The following FZD3 variants were observed in gnomAD, a reference collection of about 807,000 sequenced individuals.
FZD3 encodes the protein frizzled class receptor 3.
A neutral mutation model predicts 60.7 loss-of-function variants in FZD3; 30 were observed. That is an observed-to-expected ratio of 0.49 (90% CI 0.37 to 0.67). The LOEUF is 0.67. Ranked by LOEUF, FZD3 falls within the 30% of genes least tolerant of loss-of-function variation. FZD3 has a pLI of 0.00. For synonymous variants in FZD3, 246 were observed against 275.2 expected, an observed-to-expected ratio of 0.89 and a Z score of 1.05; for missense variants, 605 against 838.7, an observed-to-expected ratio of 0.72 and a Z score of 3.44.
chr8:28,557,300 T>G (rs1046911770), intron 7 of FZD3, among the ~76,000 whole-genome samples: 6 of 151,838 alleles, frequency 4.0e-5, no homozygotes, highest in Non-Finnish European at 1.5e-5. Flanking sequence ...AAATATTTTT[T>G]GGGGTGTTTT....
rs1211249697 is a variant in FZD3, at chr8:28,525,523, G to T, written c.387-1624G>T. Among the ~76,000 whole-genome samples the T allele has an allele frequency of 2.0e-5, 3 of 152,156 alleles. No individual in the cohort carries two copies. In the East Asian group the frequency reaches 5.8e-4, roughly 29 times the overall value. ...CAGCAAGTACAGAGACTCTGAAGTG[G>T]AACCACGCTTCCTAAAGTCACAGAA... On this transcript the variant is annotated intron_variant, in intron 4 of 7. Transcript: ENST00000240093.
chr8:28,497,504 G>A (rs1226123575), intron 1 of FZD3, among the ~76,000 whole-genome samples: 1 of 152,144 alleles, frequency 6.6e-6, no homozygotes, highest in East Asian at 1.9e-4. Context: ...CTTGCAATGC[G>A]TTCTTGAAAA....
intron 7 of FZD3, among the ~76,000 whole-genome samples, chr8:28,557,806 A>G (rs1805539526): frequency 6.6e-6 from 1 of 152,180 alleles, no homozygotes; most frequent in Admixed American, 6.6e-5. Context: ...CCTATATGAG[A>G]AGCATTCTTC....
chr8:28,519,135 A>G (rs1014518679), intron 3 of FZD3, among the ~76,000 whole-genome samples: 4 of 152,342 alleles, frequency 2.6e-5, no homozygotes, highest in Admixed American at 2.6e-4. Flanking sequence ...GAGGCTCTGG[A>G]AAATAATATA....
intron 5 of FZD3, among the ~76,000 whole-genome samples, chr8:28,537,064 A>G (rs796682264): frequency 1.3e-4 from 20 of 152,274 alleles, no homozygotes; most frequent in East Asian, 7.7e-4. Context: ...CTGCCTACCT[A>G]TGACTTCCTA....
intron 5 of FZD3, among the ~76,000 whole-genome samples, chr8:28,546,751 G>A (rs540857964): frequency 3.3e-5 from 5 of 152,148 alleles, no homozygotes; most frequent in South Asian, 2.1e-4. Flanking sequence ...TGAGGCAGGC[G>A]GATAACAAGG....
At chr8:28,535,266 G>A (rs1804979822) in intron 5 of FZD3, among the ~76,000 whole-genome samples, 1 of 152,042 alleles carries the variant, frequency 6.6e-6, no homozygotes, top group East Asian at 1.9e-4. Flanking sequence ...TTTTAGCACA[G>A]TTTTAGATTG....
At chr8:28,556,873 G>A (rs571802168) in intron 7 of FZD3, among the ~76,000 whole-genome samples, 1 of 152,292 alleles carries the variant, frequency 6.6e-6, no homozygotes, top group East Asian at 1.9e-4. Context: ...GTTTCACAGA[G>A]AAAATGTTTG....
At chr8:28,522,758 G>T (rs1804615989) in intron 4 of FZD3, among the ~76,000 whole-genome samples, 1 of 147,434 alleles carries the variant, frequency 6.8e-6, no homozygotes, top group Non-Finnish European at 1.5e-5. Context: ...TTCTGAAAAA[G>T]GGAACTTTCT....
intron 5 of FZD3, among the ~76,000 whole-genome samples, chr8:28,544,861 A>T (rs995062560): frequency 5.3e-5 from 8 of 152,202 alleles, no homozygotes; most frequent in African/African-American, 1.7e-4. Context: ...TATGGAGGCT[A>T]AGAAGTCCAA....
rs1351079282 is a variant in FZD3 at position 28,566,357 on chromosome 8, A to G, written c.*3346A>G. On this transcript the variant is annotated 3_prime_UTR_variant, in exon 8 of 8. Coordinates refer to ENST00000240093, the MANE Select transcript of FZD3 (RefSeq NM_017412.4). Reference sequence around the variant, plus strand: ...CCTTTTAATTAATTTTAGAAGATGAACAGTGATTCTTAGAAGTGAGTAATT... The same window carrying G: ...CCTTTTAATTAATTTTAGAAGATGAGCAGTGATTCTTAGAAGTGAGTAATT... 6.6e-6 allele frequency: 1 copy of G among 152,210 alleles called. No individual in the cohort carries two copies. Among genetic ancestry groups the G allele is most frequent in the Admixed American group, 6.5e-5 (1 of 15,278 alleles). The allele number at this position is 152,210 out of a possible 1,614,324, so 9.4% of individuals were successfully genotyped here.
intron 7 of FZD3, among the ~76,000 whole-genome samples, chr8:28,560,616 A>G (rs1476216471): frequency 6.6e-6 from 1 of 152,144 alleles, no homozygotes; most frequent in Non-Finnish European, 1.5e-5. Context: ...ATATTTTTAT[A>G]TAGTGATTTT....
intron 1 of FZD3, among the ~76,000 whole-genome samples, chr8:28,498,323 T>TA (rs142226752): frequency 0.035 from 5,197 of 149,164 alleles, 305 homozygotes; most frequent in African/African-American, 0.12. Context: ...TTTCTTATAA[T>TA]AAAAAAAAAA....
At chr8:28,525,914 G>T (rs62504261) in intron 4 of FZD3, among the ~76,000 whole-genome samples, 94,757 of 151,680 alleles carry the variant, frequency 0.62, 30,005 homozygotes, top group African/African-American at 0.71. Flanking sequence ...AGATTTCATA[G>T]GTATATGAAA....
chr8:28,520,792 A>G lies in FZD3; in HGVS notation c.344A>G (p.Glu115Gly). Residue 115 changes from glutamate to glycine, a missense_variant, in exon 4 of 8, where the codon GAG becomes GGG. Transcript: ENST00000240093. Reference protein sequence around the residue: ...RAYSECSKLMEMFGVPWPEDM... With the variant: ...RAYSECSKLMGMFGVPWPEDM... Reference sequence around the variant, plus strand: ...TACAGTGAGTGTTCGAAGCTCATGGAGATGTTTGGTGTTCCTTGGCCTGAA... The same window carrying G: ...TACAGTGAGTGTTCGAAGCTCATGGGGATGTTTGGTGTTCCTTGGCCTGAA... 6.2e-7 allele frequency: 1 copy of G among 1,608,544 alleles called. No individual in the cohort carries two copies. The highest frequency in any genetic ancestry group is 8.5e-7 in the Non-Finnish European group (1 of 1,177,076).
intron 4 of FZD3, among the ~76,000 whole-genome samples, chr8:28,521,880 C>A (rs1303430148): frequency 1.3e-5 from 2 of 152,052 alleles, no homozygotes; most frequent in Non-Finnish European, 2.9e-5. Flanking sequence ...AAGTAACATT[C>A]TTTTCTCCTT....
At position 28,567,614 on chromosome 8, in the gene FZD3, A is replaced by G. The variant is rs352221; in HGVS notation, c.*4603A>G. 94,880 of 151,942 alleles carry G rather than the reference A, an allele frequency of 0.62. 30,038 individuals are homozygous for G. Among genetic ancestry groups the G allele is most frequent in the African/African-American group, 0.71 (29,342 of 41,410 alleles). The allele number at this position is 151,942 out of a possible 1,614,324, so 9.4% of individuals were successfully genotyped here. A position where few individuals can be genotyped will look rare whatever the true frequency, so the allele number is the denominator to read the frequency against. On this transcript the variant is annotated 3_prime_UTR_variant, in exon 8 of 8. Transcript: ENST00000240093. ...GGTTTTGTTAGAATTTGGGGGGGCT[A>G]TAGAAAACAAGGTTACAGTCTTCAT...
Position 28,554,873 on chromosome 8 carries a change from TTGAAA to T in FZD3, c.1554-858_1554-854del, listed in dbSNP as rs1470627812. ...ATCTTAACATGCTGGAGTTTTATTT[TTGAAA>T]TGAAATTGATTATCTAATTTTAACT... On this transcript the variant is annotated intron_variant, in intron 6 of 7. Coordinates refer to ENST00000240093, the MANE Select transcript of FZD3 (RefSeq NM_017412.4). Among the ~76,000 whole-genome samples the T allele has an allele frequency of 7.2e-5, 11 of 152,300 alleles. 1 individual carries two copies. Among genetic ancestry groups the T allele is most frequent in the African/African-American group, 2.6e-4 (11 of 41,582 alleles).
chr8:28,555,708 G>A (rs1424053827), intron 6 of FZD3, 30 bp from the exon 7 acceptor site: 1 of 1,195,884 alleles, frequency 8.4e-7, no homozygotes, highest in Non-Finnish European at 1.2e-6. Context: ...AGATTGGTAT[G>A]TATCTTAAAC....
Sources: allele counts gnomAD v4.1 joint callset (sites outside exome capture counted in the v4.1 genomes callset), GRCh38; gene constraint gnomAD v4.1.1; transcripts MANE v1.5; gene names NCBI Gene and HGNC (gene_info 2026-07-23, HGNC 2026-07-21).